Variants in MAPDA observed in about 807,000 individuals in gnomAD.
MAPDA encodes N6-Methyl-AMP deaminase.
the MAPDA span, chr15:43,335,010 T>C: frequency 1.6e-6 from 2 of 1,227,946 alleles, no homozygotes; most frequent in East Asian, 5.1e-5. Flanking sequence ...TAAAGCAATC[T>C]GAAGGAAATT....
At chr15:43,341,811 T>C in the MAPDA span, among the ~76,000 whole-genome samples, 1 of 152,124 alleles carries the variant, frequency 6.6e-6, no homozygotes, top group Non-Finnish European at 1.5e-5. Context: ...TGGAAAACAG[T>C]AGTTATCTCT....
chr15:43,340,859 C>A, the MAPDA span, among the ~76,000 whole-genome samples: 1 of 152,200 alleles, frequency 6.6e-6, no homozygotes, highest in African/African-American at 2.4e-5. Flanking sequence ...TGCATTGTTA[C>A]AAGCAGAGGC....
chr15:43,354,388 A>G, the MAPDA span: 1 of 152,294 alleles, frequency 6.6e-6, no homozygotes, highest in Admixed American at 6.5e-5. Flanking sequence ...CACAGTAAAA[A>G]CATCAAAGTT....
At chr15:43,340,117 A>T in the MAPDA span, 1 of 672,704 alleles carries the variant, frequency 1.5e-6, no homozygotes, top group Non-Finnish European at 2.5e-6. Flanking sequence ...GGGATGTGAC[A>T]AAGTGGATAA....
chr15:43,341,390 A>G, the MAPDA span, among the ~76,000 whole-genome samples: 1 of 152,222 alleles, frequency 6.6e-6, no homozygotes, highest in Non-Finnish European at 1.5e-5. Context: ...TAAATATGCA[A>G]CAGTAGAGGA....
At chr15:43,336,595 A>G in the MAPDA span, 4 of 1,533,612 alleles carry the variant, frequency 2.6e-6, no homozygotes, top group Non-Finnish European at 3.5e-6. Flanking sequence ...TGATGACTAG[A>G]TTATGTTAAA....
At chr15:43,330,532 G>A in the MAPDA span, 1 of 1,507,184 alleles carries the variant, frequency 6.6e-7, no homozygotes, top group Non-Finnish European at 8.8e-7. Context: ...ACGGTTGTGA[G>A]CCGCCCCTTG....
At chr15:43,335,822 G>C in the MAPDA span, 1 of 1,612,834 alleles carries the variant, frequency 6.2e-7, no homozygotes, top group South Asian at 1.1e-5. Flanking sequence ...AAGAACTTTG[G>C]AAGAGTAAGT....
chr15:43,345,058 G>A, the MAPDA span, among the ~76,000 whole-genome samples: 1 of 152,020 alleles, frequency 6.6e-6, no homozygotes, highest in African/African-American at 2.4e-5. Context: ...GTAAGAAATA[G>A]GACAACATGT....
the MAPDA span, among the ~76,000 whole-genome samples, chr15:43,350,750 C>T: frequency 6.6e-6 from 1 of 152,176 alleles, no homozygotes; most frequent in Admixed American, 6.5e-5. Flanking sequence ...ATAAGTTGCA[C>T]CACATGCTTC....
chr15:43,341,696 A>C, the MAPDA span, among the ~76,000 whole-genome samples: 4 of 152,040 alleles, frequency 2.6e-5, no homozygotes, highest in African/African-American at 9.7e-5. Flanking sequence ...CAAGGGCTGC[A>C]GTGAACCATG....
the MAPDA span, among the ~76,000 whole-genome samples, chr15:43,337,035 G>T: frequency 6.1e-4 from 92 of 152,034 alleles, no homozygotes; most frequent in African/African-American, 2.2e-3. Flanking sequence ...CTGGGAGGCC[G>T]AGGTGGGCGG....
the MAPDA span, chr15:43,349,249 C>T: frequency 2.3e-6 from 3 of 1,298,618 alleles, no homozygotes; most frequent in Non-Finnish European, 2.9e-6. Context: ...GAGCAGGGCC[C>T]CTGCTTGTCT....
At chr15:43,352,876 C>T in the MAPDA span, 2 of 151,918 alleles carry the variant, frequency 1.3e-5, no homozygotes, top group South Asian at 4.2e-4. Flanking sequence ...AAAGTGAAGT[C>T]ATTGCTCCAA....
the MAPDA span, among the ~76,000 whole-genome samples, chr15:43,342,745 CTCAAAAAAAAAAAAAGCCTTTATTTTTTT>C: frequency 2.0e-5 from 3 of 148,370 alleles, no homozygotes; most frequent in Non-Finnish European, 4.5e-5. Flanking sequence ...CAGACCCTGT[CTCAAAAAAAAAAAAAGCCTTTATTTTTTT>C]TCATTTCATT....
the MAPDA span, among the ~76,000 whole-genome samples, chr15:43,347,858 T>C: frequency 1.3e-5 from 2 of 152,226 alleles, no homozygotes; most frequent in Admixed American, 6.5e-5. Context: ...CTTTCATGTC[T>C]ATAAGCAGAA....
the MAPDA span, among the ~76,000 whole-genome samples, chr15:43,334,723 C>T: frequency 7.1e-6 from 1 of 140,540 alleles, no homozygotes; most frequent in Non-Finnish European, 1.5e-5. Flanking sequence ...ATAGAAGGTG[C>T]CAATAGTTAA....
At chr15:43,344,638 A>C in the MAPDA span, among the ~76,000 whole-genome samples, 3 of 152,012 alleles carry the variant, frequency 2.0e-5, no homozygotes, top group East Asian at 3.9e-4. Context: ...ATGAAACTCC[A>C]TCTCTACTAA....
At chr15:43,340,403 G>T in the MAPDA span, 1 of 1,473,872 alleles carries the variant, frequency 6.8e-7, no homozygotes, top group South Asian at 1.2e-5. Context: ...TATGTGCTTT[G>T]ATCACTCACA....
Sources: gnomAD v4.1 joint callset for allele counts (sites outside exome capture counted in the v4.1 genomes callset) on GRCh38, gnomAD v4.1.1 for gene constraint, MANE v1.5 for transcripts, NCBI Gene and HGNC (gene_info 2026-07-23, HGNC 2026-07-21) for gene names.